CXCR2: variants seen among roughly 807,000 people sequenced by gnomAD.
CXCR2 encodes the protein C-X-C motif chemokine receptor 2, also known as C-X-C chemokine receptor type 2.
A neutral mutation model predicts 3.7 loss-of-function variants in CXCR2; 2 were observed. That is an observed-to-expected ratio of 0.55 (90% CI 0.22 to 1.72). The LOEUF is 1.72. Ranked by LOEUF, CXCR2 falls within the 40% of genes most tolerant of loss-of-function variation. The pLI is 0.19. For synonymous variants in CXCR2, 203 were observed against 193.3 expected (o/e 1.05, Z -0.41); for missense variants, 351 against 450.1 (o/e 0.78, Z 1.99).
rs200726461 is a variant in CXCR2, at chr2:218,135,666, C to T, written c.865C>T (p.Arg289Cys). The T allele has an allele frequency of 9.0e-5, 145 of 1,613,978 alleles. No homozygotes were observed. Among genetic ancestry groups the T allele is most frequent in the Non-Finnish European group, 1.1e-4 (134 of 1,180,026 alleles). ...TQVIQETCER[R>C]NHIDRALDAT... ...GGTGATCCAGGAGACCTGTGAGCGC[C>T]GCAATCACATCGACCGGGCTCTGGA... Residue 289 changes from arginine to cysteine, a missense_variant, in exon 3 of 3, where the codon CGC becomes TGC. Physicochemically the swap from Arg to Cys is radical, Grantham distance 180 (BLOSUM62 -3). Transcript: ENST00000318507. This position sits in a 1 kb window ranked among gnomAD's most constrained non-coding sequence, Gnocchi z 4.0.
rs1307203350 is a variant in CXCR2, at chr2:218,136,136, G to A, written c.*252G>A. On this transcript the variant is annotated 3_prime_UTR_variant, in exon 3 of 3. Transcript: ENST00000318507. ...CTGCCCATCCTGCCCCTGAGCCCATGGCACTCTATGTTCTAAGAAGTGAAA... is the reference window on the plus strand; with the variant it reads ...CTGCCCATCCTGCCCCTGAGCCCATAGCACTCTATGTTCTAAGAAGTGAAA... The A allele has an allele frequency of 4.3e-5, 20 of 464,046 alleles. No homozygotes were observed. The highest frequency in any genetic ancestry group is 3.9e-5 in the Non-Finnish European group (10 of 253,190). 28.7% of individuals were successfully genotyped at this position (464,046 alleles called of 1,614,324 possible).
chr2:218,134,788 A>G lies in CXCR2; in HGVS notation c.-14A>G. The G allele has an allele frequency of 6.2e-7, 1 of 1,608,824 alleles. No homozygotes were observed. Among genetic ancestry groups the G allele is most frequent in the Admixed American group, 1.7e-5 (1 of 59,548 alleles). On this transcript the variant is annotated 5_prime_UTR_variant, in exon 3 of 3. Transcript: ENST00000318507. ...TCTCTCTTCTATAGGTCAGGATTTA[A>G]GTTTACCTCAAAAATGGAAGATTTT...
chr2:218,137,035 G>A lies in CXCR2; in HGVS notation c.*1151G>A, dbSNP rs927118827. The A allele has an allele frequency of 1.2e-5, 2 of 166,490 alleles. No homozygotes were observed. Among genetic ancestry groups the A allele is most frequent in the Non-Finnish European group, 2.9e-5 (2 of 68,098 alleles). 10.3% of individuals were successfully genotyped at this position (166,490 alleles called of 1,614,324 possible). ...ACAGTAGTGATAGTTGTACCGCAAT[G>A]TGACTTAATGCCACTAAATTGACAC... On this transcript the variant is annotated 3_prime_UTR_variant, in exon 3 of 3. Coordinates refer to ENST00000318507, the MANE Select transcript of CXCR2 (RefSeq NM_001557.4).
chr2:218,134,222 G>T (rs1690723864), intron 2 of CXCR2, among the ~76,000 whole-genome samples: 1 of 152,178 alleles, frequency 6.6e-6, no homozygotes, highest in Non-Finnish European at 1.5e-5. Flanking sequence ...TGGAGTTCCT[G>T]CTTAATCCCC....
At chr2:218,133,031 C>G (rs1690688154) in intron 2 of CXCR2, among the ~76,000 whole-genome samples, 1 of 152,198 alleles carries the variant, frequency 6.6e-6, no homozygotes, top group Non-Finnish European at 1.5e-5. Flanking sequence ...CACTTCCTCA[C>G]CCACATTGTT....
intron 2 of CXCR2, among the ~76,000 whole-genome samples, chr2:218,132,194 T>C (rs1690665218): frequency 6.6e-6 from 1 of 152,174 alleles, no homozygotes; most frequent in South Asian, 2.1e-4. Context: ...TGCCACTAAT[T>C]CCAGAACACT....
chr2:218,131,424 G>A (rs1690642918), intron 2 of CXCR2, among the ~76,000 whole-genome samples: 2 of 152,050 alleles, frequency 1.3e-5, no homozygotes, highest in African/African-American at 4.8e-5. Context: ...CAGAAATGAG[G>A]GATTGCTTAT....
chr2:218,127,403 A>G (rs1236981751), intron 1 of CXCR2, among the ~76,000 whole-genome samples: 2 of 152,224 alleles, frequency 1.3e-5, no homozygotes, highest in Non-Finnish European at 2.9e-5. Context: ...CTGGGATTAC[A>G]GGCATGAGCC....
At chr2:218,129,151 T>C (rs1418040524) in intron 1 of CXCR2, 163 bp from the exon 2 acceptor site, 1 of 152,068 alleles carries the variant, frequency 6.6e-6, no homozygotes, top group Non-Finnish European at 1.5e-5. Context: ...ACTCTACGAG[T>C]CTATGAAATG....
chr2:218,126,637 CATTTT>C lies in CXCR2; in HGVS notation c.-78+300_-78+304del, dbSNP rs757967910. Among the ~76,000 whole-genome samples, 14 of 152,052 alleles carry C rather than the reference CATTTT, an allele frequency of 9.2e-5. 1 individual carries two copies. Among genetic ancestry groups the C allele is most frequent in the Non-Finnish European group, 1.5e-4 (10 of 67,988 alleles). ...TGACTGCGGATCTCAATTTTTATTT[CATTTT>C]ATTTTATTTTATTTTTTCTTTTTTG... On this transcript the variant is annotated intron_variant, in intron 1 of 2. Coordinates refer to ENST00000318507, the MANE Select transcript of CXCR2 (RefSeq NM_001557.4).
chr2:218,131,442 G>A (rs1017154552), intron 2 of CXCR2, among the ~76,000 whole-genome samples: 9 of 150,942 alleles, frequency 6.0e-5, no homozygotes, highest in Non-Finnish European at 7.4e-5. Context: ...TATAAATTAC[G>A]TAAGACATAC....
In CXCR2 at chr2:218,136,294, C is replaced by T. The variant is rs921027887; in HGVS notation, c.*410C>T. 3 of 173,328 alleles carry T rather than the reference C, an allele frequency of 1.7e-5. No individual in the cohort carries two copies. The highest frequency in any genetic ancestry group is 4.1e-5 in the Non-Finnish European group (3 of 72,714). 10.7% of individuals were successfully genotyped at this position (173,328 alleles called of 1,614,324 possible). On this transcript the variant is annotated 3_prime_UTR_variant, in exon 3 of 3. Coordinates refer to ENST00000318507, the MANE Select transcript of CXCR2 (RefSeq NM_001557.4). ...CAAAAAAAAAAAAAAATTAGCCGGG[C>T]GTGGTGGTGAGTGCCTGTAATCACA...
At chr2:218,133,061 G>C (rs1277260472) in intron 2 of CXCR2, among the ~76,000 whole-genome samples, 4 of 152,114 alleles carry the variant, frequency 2.6e-5, no homozygotes, top group African/African-American at 4.8e-5. Flanking sequence ...CTTTTTCTGA[G>C]TGTGCCCAGC....
intron 2 of CXCR2, among the ~76,000 whole-genome samples, chr2:218,130,685 A>T (rs1050263651): frequency 3.3e-5 from 5 of 152,158 alleles, no homozygotes; most frequent in African/African-American, 9.7e-5. Flanking sequence ...AGCCATGGAG[A>T]TCATGTACCT....
At chr2:218,130,324 G>A (rs926915144) in intron 2 of CXCR2, among the ~76,000 whole-genome samples, 1 of 152,144 alleles carries the variant, frequency 6.6e-6, no homozygotes, top group African/African-American at 2.4e-5. Flanking sequence ...GGAAGCTGAG[G>A]CAGGAGAATC....
chr2:218,135,709 G>A lies in CXCR2; in HGVS notation c.908G>A (p.Gly303Asp). The A allele has an allele frequency of 1.9e-6, 3 of 1,614,050 alleles. No individual in the cohort carries two copies. Among genetic ancestry groups the A allele is most frequent in the Non-Finnish European group, 2.5e-6 (3 of 1,180,012 alleles). The change falls in exon 3 of 3, where the codon GGC becomes GAC. Residue 303 changes from glycine to aspartate, a missense_variant. Gly to Asp is a moderately conservative substitution (Grantham distance 94). Transcript: ENST00000318507. The surrounding 1 kb of genome is among the most constrained non-coding windows in gnomAD (Gnocchi z 4.0). ...GCTCTGGATGCCACCGAGATTCTGG[G>A]CATCCTTCACAGCTGCCTCAACCCC... The part of the protein sequence containing the change: ...DRALDATEIL[G>D]ILHSCLNPLI...
intron 2 of CXCR2, among the ~76,000 whole-genome samples, chr2:218,130,669 G>T (rs1424346730): frequency 2.0e-5 from 3 of 152,114 alleles, no homozygotes; most frequent in African/African-American, 7.2e-5. Context: ...GTATCTATTT[G>T]TAATGAGCCA....
chr2:218,130,351 T>G (rs1574538466), intron 2 of CXCR2, among the ~76,000 whole-genome samples: 1 of 151,216 alleles, frequency 6.6e-6, no homozygotes, highest in Non-Finnish European at 1.5e-5. Flanking sequence ...ACCCGGGAGG[T>G]GGAGGTTGCA....
At position 218,135,795 on chromosome 2, in the gene CXCR2, C is replaced by T. The variant is rs763440854; in HGVS notation, c.994C>T (p.His332Tyr). Reference sequence around the variant, plus strand: ...TGGACTCCTCAAGATTCTAGCTATACATGGCTTGATCAGCAAGGACTCCCT... The same window carrying T: ...TGGACTCCTCAAGATTCTAGCTATATATGGCTTGATCAGCAAGGACTCCCT... ...RHGLLKILAI[H>Y]GLISKDSLPK... The change falls in exon 3 of 3, where the codon CAT (histidine) becomes TAT (tyrosine). Residue 332 changes from histidine to tyrosine, a missense_variant. Transcript: ENST00000318507. The surrounding 1 kb of genome is among the most constrained non-coding windows in gnomAD (Gnocchi z 4.0). The T allele has an allele frequency of 6.2e-7, 1 of 1,614,174 alleles. No individual in the cohort carries two copies. The highest frequency in any genetic ancestry group is 8.5e-7 in the Non-Finnish European group (1 of 1,180,032).
Sources: gnomAD v4.1 joint callset for allele counts (sites outside exome capture counted in the v4.1 genomes callset) on GRCh38, gnomAD v4.1.1 for gene constraint, Gnocchi (gnomAD v3.1) non-coding constraint, MANE v1.5 for transcripts, NCBI Gene and HGNC (gene_info 2026-07-23, HGNC 2026-07-21) for gene names.